Variants in NR5A2 observed in about 807,000 individuals in gnomAD.
NR5A2 encodes the protein nuclear receptor subfamily 5 group A member 2, also known as CYP7A promoter-binding factor.
Under a neutral mutation model 62.7 loss-of-function variants are expected in NR5A2, and 26 were observed. The ratio of observed to expected loss-of-function variants is 0.41; its 90% CI spans 0.30 to 0.58. The LOEUF (loss-of-function observed/expected upper bound fraction) is 0.58. Among genes scored for constraint, NR5A2 ranks in the 20% least tolerant of loss-of-function variants. The pLI is 0.22. For synonymous variants in NR5A2, 246 were observed against 241.7 expected (o/e 1.02, Z -0.16); for missense variants, 541 against 669.1 (o/e 0.81, Z 2.11).
chr1:200,059,116 A>C (rs1410016707), intron 5 of NR5A2, among the ~76,000 whole-genome samples: 4 of 151,936 alleles, frequency 2.6e-5, no homozygotes, highest in African/African-American at 9.7e-5. Context: ...TCTTAAAAAT[A>C]ATAATAATAA....
intron 5 of NR5A2, among the ~76,000 whole-genome samples, chr1:200,104,193 T>C (rs1360948083): frequency 1.3e-5 from 2 of 152,206 alleles, no homozygotes. Context: ...CAGTTATCTC[T>C]GGGCAGGGAA....
intron 7 of NR5A2, among the ~76,000 whole-genome samples, chr1:200,142,185 CTTCTTTTT>C (rs1558164288): frequency 6.9e-5 from 6 of 86,618 alleles, no homozygotes; most frequent in South Asian, 4.0e-4. Flanking sequence ...GTTTTAAAGA[CTTCTTTTT>C]TTTTTTTTTT....
chr1:200,052,877 C>A (rs571138585), intron 5 of NR5A2, among the ~76,000 whole-genome samples: 1 of 152,110 alleles, frequency 6.6e-6, no homozygotes, highest in East Asian at 1.9e-4. Context: ...CCTGACCTTG[C>A]GATCCGCCCG....
At chr1:200,061,505 C>T (rs1458425456) in intron 5 of NR5A2, among the ~76,000 whole-genome samples, 5 of 152,030 alleles carry the variant, frequency 3.3e-5, no homozygotes, top group South Asian at 2.1e-4. Flanking sequence ...CTTGAACTCC[C>T]GACCTCAGGT....
chr1:200,098,361 GACTTC>G, intron 5 of NR5A2, among the ~76,000 whole-genome samples: 1 of 151,180 alleles, frequency 6.6e-6, no homozygotes, highest in South Asian at 2.1e-4. Context: ...ACTTCCAAAG[GACTTC>G]ATTTCCCAAA....
chr1:200,139,173 G>T (rs963248771), intron 7 of NR5A2, among the ~76,000 whole-genome samples: 12 of 152,082 alleles, frequency 7.9e-5, no homozygotes, highest in Non-Finnish European at 4.4e-5. Context: ...TTTTTATAAT[G>T]CAAACCTTTT....
At chr1:200,167,973 A>G (rs141152850) in intron 7 of NR5A2, among the ~76,000 whole-genome samples, 16 of 152,318 alleles carry the variant, frequency 1.1e-4, no homozygotes, top group South Asian at 1.0e-3. Flanking sequence ...TAATTGAGCT[A>G]CTGTACACAG....
chr1:200,093,033 G>A (rs1380349588), intron 5 of NR5A2, among the ~76,000 whole-genome samples: 3 of 151,864 alleles, frequency 2.0e-5, no homozygotes, highest in Non-Finnish European at 4.4e-5. Context: ...ACAGGCACAT[G>A]CCACCACACC....
At chr1:200,168,813 A>T (rs1490522515) in intron 7 of NR5A2, among the ~76,000 whole-genome samples, 1 of 152,180 alleles carries the variant, frequency 6.6e-6, no homozygotes, top group Non-Finnish European at 1.5e-5. Context: ...AGTTCTTACA[A>T]AATTAGTTAT....
chr1:200,059,932 A>T (rs764325062), intron 5 of NR5A2, among the ~76,000 whole-genome samples: 1 of 152,190 alleles, frequency 6.6e-6, no homozygotes, highest in Non-Finnish European at 1.5e-5. Flanking sequence ...ACAGCCAAGA[A>T]CAACAAAAAT....
chr1:200,050,273 T>C (rs1424970653), intron 5 of NR5A2, among the ~76,000 whole-genome samples: 1 of 152,232 alleles, frequency 6.6e-6, no homozygotes, highest in African/African-American at 2.4e-5. Flanking sequence ...GGTAAAGTAT[T>C]TGAAAATGAA....
Position 200,039,855 on chromosome 1 carries a change from T to G in NR5A2, c.202+60T>G. 2.6e-6 allele frequency: 4 copies of G among 1,532,456 alleles called. No individual in the cohort carries two copies. Among genetic ancestry groups the G allele is most frequent in the Non-Finnish European group, 3.5e-6 (4 of 1,145,816 alleles). 94.9% of individuals were successfully genotyped at this position (1,532,456 alleles called of 1,614,324 possible). On this transcript the variant is annotated intron_variant, in intron 2 of 7. Coordinates refer to ENST00000367362, the MANE Select transcript of NR5A2 (RefSeq NM_205860.3). The surrounding 1 kb of genome is among the most constrained non-coding windows in gnomAD (Gnocchi z 5.1). ...TGCTTCCCCACCCCCGGGCTCGCCCTGCAGGCTTCAGCCTCCCGCCCCGCG... is the reference window on the plus strand; with the variant it reads ...TGCTTCCCCACCCCCGGGCTCGCCCGGCAGGCTTCAGCCTCCCGCCCCGCG...
intron 7 of NR5A2, among the ~76,000 whole-genome samples, chr1:200,152,184 C>A (rs1175561186): frequency 6.6e-6 from 1 of 152,102 alleles, no homozygotes; most frequent in Non-Finnish European, 1.5e-5. Flanking sequence ...ATTTCAGCAT[C>A]AATTTGGGCA....
intron 5 of NR5A2, among the ~76,000 whole-genome samples, chr1:200,073,274 A>ATATATATATATATATTCCCCTT (rs1663831886): frequency 2.0e-5 from 2 of 102,172 alleles, no homozygotes; most frequent in African/African-American, 4.0e-5. Context: ...CCCTTTATAT[A>ATATATATATATATATTCCCCTT]TATATATATA....
chr1:200,154,326 T>A (rs937783650), intron 7 of NR5A2, among the ~76,000 whole-genome samples: 1 of 152,242 alleles, frequency 6.6e-6, no homozygotes. Context: ...TACTGATAGC[T>A]GGGCTCACAC....
chr1:200,042,422 C>A (rs1662146712), intron 2 of NR5A2, among the ~76,000 whole-genome samples: 1 of 152,252 alleles, frequency 6.6e-6, no homozygotes, highest in Non-Finnish European at 1.5e-5. Flanking sequence ...CAAGTCATCA[C>A]TGCGGCGATA....
chr1:200,052,890 T>G (rs1163993415), intron 5 of NR5A2, among the ~76,000 whole-genome samples: 1 of 152,200 alleles, frequency 6.6e-6, no homozygotes, highest in Non-Finnish European at 1.5e-5. Context: ...TCCGCCCGCC[T>G]TGGCCTCCCA....
At position 200,175,555 on chromosome 1, in the gene NR5A2, G is replaced by C. The variant is rs1321825246; in HGVS notation, c.*1345G>C. On this transcript the variant is annotated 3_prime_UTR_variant, in exon 8 of 8. Transcript: ENST00000367362. Reference sequence around the variant, plus strand: ...TTGCCTTATTTCACAATTTTAAAAGGTAGCTGTGCAGATGTGGATCAACAT... The same window carrying C: ...TTGCCTTATTTCACAATTTTAAAAGCTAGCTGTGCAGATGTGGATCAACAT... 6.6e-6 allele frequency: 1 copy of C among 152,652 alleles called. No homozygotes were observed. The highest frequency in any genetic ancestry group is 1.5e-5 in the Non-Finnish European group (1 of 68,044). 9.5% of individuals were successfully genotyped at this position (152,652 alleles called of 1,614,324 possible). A position where few individuals can be genotyped will look rare whatever the true frequency, so the allele number is the denominator to read the frequency against.
At chr1:200,070,950 G>A (rs905532161) in intron 5 of NR5A2, among the ~76,000 whole-genome samples, 1 of 152,314 alleles carries the variant, frequency 6.6e-6, no homozygotes, top group South Asian at 2.1e-4. Flanking sequence ...CTAGAAACGT[G>A]TTGGCAATAC....
Sources: allele counts gnomAD v4.1 joint callset (sites outside exome capture counted in the v4.1 genomes callset), GRCh38; gene constraint gnomAD v4.1.1; non-coding constraint Gnocchi (gnomAD v3.1); transcripts MANE v1.5; gene names NCBI Gene and HGNC (gene_info 2026-07-23, HGNC 2026-07-21).